GRM5: variants seen among roughly 807,000 people sequenced by gnomAD.
The protein encoded by GRM5 is glutamate metabotropic receptor 5.
In GRM5, 19 loss-of-function variants were observed where a neutral mutation model predicts 83.1. The observed-to-expected ratio is 0.23, with a 90% CI of 0.16 to 0.34. GRM5 has a LOEUF of 0.34. Ranked by LOEUF, GRM5 falls within the 10% of genes least tolerant of loss-of-function variation. The pLI is 1.00. For synonymous variants in GRM5, 675 were observed against 633.6 expected, an observed-to-expected ratio of 1.07 and a Z score of -0.98; for missense variants, 1,160 against 1,588.3, an observed-to-expected ratio of 0.73 and a Z score of 4.58.
chr11:88,559,350 G>A (rs1165136382), intron 8 of GRM5, among the ~76,000 whole-genome samples: 4 of 152,114 alleles, frequency 2.6e-5, no homozygotes, highest in African/African-American at 9.7e-5. Context: ...TGTCATAAGG[G>A]CTGGAATAAG....
At chr11:88,668,492 G>A (rs533154862) in intron 3 of GRM5, among the ~76,000 whole-genome samples, 1 of 152,052 alleles carries the variant, frequency 6.6e-6, no homozygotes, top group South Asian at 2.1e-4. Context: ...ATATTAAAGT[G>A]ATTTCAAAAT....
intron 4 of GRM5, among the ~76,000 whole-genome samples, chr11:88,629,176 A>T (rs1938889321): frequency 6.6e-6 from 1 of 152,226 alleles, no homozygotes; most frequent in Non-Finnish European, 1.5e-5. Context: ...AAGGACCCTG[A>T]AAAGGCATTT....
At chr11:88,701,982 T>C (rs1324174337) in intron 3 of GRM5, among the ~76,000 whole-genome samples, 1 of 152,066 alleles carries the variant, frequency 6.6e-6, no homozygotes, top group East Asian at 1.9e-4. Flanking sequence ...CTAACATTAA[T>C]GCTGGCCAGT....
chr11:88,694,970 C>T (rs1247894151), intron 3 of GRM5, among the ~76,000 whole-genome samples: 4 of 152,208 alleles, frequency 2.6e-5, no homozygotes, highest in Non-Finnish European at 5.9e-5. Context: ...GAAGCATCTA[C>T]TCTCACATGA....
intron 3 of GRM5, among the ~76,000 whole-genome samples, chr11:88,693,308 G>T (rs1429012849): frequency 6.6e-6 from 1 of 152,022 alleles, no homozygotes; most frequent in Non-Finnish European, 1.5e-5. Flanking sequence ...TAATATAAAT[G>T]AACATGTATA....
At chr11:88,784,899 T>A (rs1943036677) in intron 3 of GRM5, among the ~76,000 whole-genome samples, 1 of 152,078 alleles carries the variant, frequency 6.6e-6, no homozygotes, top group Admixed American at 6.6e-5. Context: ...TTCTTGTAAA[T>A]TTATCATGAA....
At chr11:88,953,701 C>A (rs1460073500) in intron 2 of GRM5, among the ~76,000 whole-genome samples, 6 of 152,006 alleles carry the variant, frequency 3.9e-5, no homozygotes, top group African/African-American at 1.2e-4. Flanking sequence ...ATGTTGGATA[C>A]TTAATTCTAA....
intron 4 of GRM5, among the ~76,000 whole-genome samples, chr11:88,613,309 C>T (rs1938379093): frequency 6.6e-6 from 1 of 152,060 alleles, no homozygotes; most frequent in Non-Finnish European, 1.5e-5. Context: ...TTGAAGTTCC[C>T]CAAGATTATT....
At chr11:88,632,930 A>C (rs541939496) in intron 4 of GRM5, among the ~76,000 whole-genome samples, 28 of 152,298 alleles carry the variant, frequency 1.8e-4, no homozygotes, top group Middle Eastern at 3.4e-3. Context: ...TTTCCTAATG[A>C]TTAATCATAT....
At chr11:88,936,378 CATTT>C (rs1937895555) in intron 2 of GRM5, among the ~76,000 whole-genome samples, 2 of 151,748 alleles carry the variant, frequency 1.3e-5, no homozygotes, top group African/African-American at 4.8e-5. Context: ...CAAATAAAAA[CATTT>C]ATTAAAGGAA....
chr11:88,851,519 T>G (rs1944389678), intron 2 of GRM5, among the ~76,000 whole-genome samples: 1 of 152,220 alleles, frequency 6.6e-6, no homozygotes. Flanking sequence ...TTATATATGT[T>G]AGCTCACTGC....
intron 3 of GRM5, among the ~76,000 whole-genome samples, chr11:88,806,451 T>G (rs1943499960): frequency 6.6e-6 from 1 of 152,204 alleles, no homozygotes; most frequent in Non-Finnish European, 1.5e-5. Context: ...ATCATCAATT[T>G]TAATGGTCAA....
intron 2 of GRM5, among the ~76,000 whole-genome samples, chr11:88,987,485 G>C (rs1280897944): frequency 6.6e-6 from 1 of 151,954 alleles, no homozygotes; most frequent in Non-Finnish European, 1.5e-5. Flanking sequence ...CAGCCAGGAA[G>C]CTCGAACTGG....
intron 3 of GRM5, among the ~76,000 whole-genome samples, chr11:88,716,896 T>C (rs1351000110): frequency 6.6e-6 from 1 of 151,976 alleles, no homozygotes; most frequent in East Asian, 1.9e-4. Flanking sequence ...AATTCACTCA[T>C]TTTTTCTAAG....
At chr11:88,583,495 A>G (rs878981147) in intron 7 of GRM5, among the ~76,000 whole-genome samples, 2 of 152,264 alleles carry the variant, frequency 1.3e-5, no homozygotes, top group South Asian at 2.1e-4. Context: ...ATTGAAAAGC[A>G]GGAGATAATG....
intron 3 of GRM5, among the ~76,000 whole-genome samples, chr11:88,708,931 T>C (rs1397451777): frequency 6.6e-6 from 1 of 152,100 alleles, no homozygotes; most frequent in African/African-American, 2.4e-5. Flanking sequence ...ATTAAACACT[T>C]GTCGGCAAAA....
chr11:88,654,150 T>C (rs1381118575), intron 3 of GRM5, among the ~76,000 whole-genome samples: 1 of 152,140 alleles, frequency 6.6e-6, no homozygotes, highest in Non-Finnish European at 1.5e-5. Flanking sequence ...ACTATCATTC[T>C]ATGCACTGCT....
chr11:88,808,514 A>C (rs1459476367), intron 3 of GRM5, among the ~76,000 whole-genome samples: 1 of 152,008 alleles, frequency 6.6e-6, no homozygotes, highest in African/African-American at 2.4e-5. Flanking sequence ...TTTATAGTTA[A>C]ATAGCATGGA....
intron 3 of GRM5, among the ~76,000 whole-genome samples, chr11:88,808,716 C>T (rs1458065409): frequency 2.0e-5 from 3 of 151,794 alleles, no homozygotes; most frequent in East Asian, 3.9e-4. Context: ...AATTAGCTAC[C>T]TTAACAGCTT....
Sources: allele counts gnomAD v4.1 joint callset (sites outside exome capture counted in the v4.1 genomes callset), GRCh38; gene constraint gnomAD v4.1.1; transcripts MANE v1.5; gene names NCBI Gene and HGNC (gene_info 2026-07-23, HGNC 2026-07-21).